IL17RA: variants seen among roughly 807,000 people sequenced by gnomAD.
The protein encoded by IL17RA is interleukin 17 receptor A.
A neutral mutation model predicts 50.4 loss-of-function variants in IL17RA; 34 were observed. The observed-to-expected ratio is 0.67, with a 90% CI of 0.51 to 0.90. IL17RA has a LOEUF of 0.90. IL17RA is among the 40% of genes least tolerant of loss of function. IL17RA has a pLI of 0.00. For missense variants in IL17RA, 1,276 were observed against 1,169.8 expected (o/e 1.09, Z -1.32); for synonymous variants, 585 against 510.4 (o/e 1.15, Z -1.97).
chr22:17,108,833 C>T lies in IL17RA; in HGVS notation c.1614C>T (p.Asp538=). ...RFEEVYFRIQ[D]LEMFQPGRMH... is the part of the protein sequence containing the mutation. ...AGGAGGTGTACTTCCGCATCCAGGACCTGGAGATGTTCCAGCCGGGCCGCA... is the reference window on the plus strand; with the variant it reads ...AGGAGGTGTACTTCCGCATCCAGGATCTGGAGATGTTCCAGCCGGGCCGCA... Residue 538 remains aspartate, a synonymous_variant, in exon 13 of 13, where the codon GAC becomes GAT. Coordinates refer to ENST00000319363, the MANE Select transcript of IL17RA (RefSeq NM_014339.7). The T allele has an allele frequency of 1.2e-6, 2 of 1,607,900 alleles. No individual in the cohort carries two copies. The highest frequency in any genetic ancestry group is 2.2e-5 in the East Asian group (1 of 44,618).
At chr22:17,092,218 G>T (rs990982453) in intron 1 of IL17RA, among the ~76,000 whole-genome samples, 1 of 152,178 alleles carries the variant, frequency 6.6e-6, no homozygotes, top group African/African-American at 2.4e-5. Flanking sequence ...GTTCCTGGAG[G>T]GTGGCACACC....
In IL17RA at chr22:17,108,724, G is replaced by A. The variant is rs371872088; in HGVS notation, c.1505G>A (p.Cys502Tyr). 1.2e-6 allele frequency: 2 copies of A among 1,611,206 alleles called. No individual in the cohort carries two copies. The highest frequency in any genetic ancestry group is 1.3e-5 in the African/African-American group (1 of 74,930). ...GCCTGCTTCGGCACCTACGTAGTCT[G>A]CTACTTCAGCGAGGTCAGCTGTGAC... ...RPACFGTYVV[C>Y]YFSEVSCDGD... The change falls in exon 13 of 13, where the codon TGC becomes TAC. Residue 502 changes from cysteine (C) to tyrosine (Y), a missense_variant. Transcript: ENST00000319363.
In IL17RA at chr22:17,085,257, C is replaced by T. The variant is rs1463581889; in HGVS notation, c.138+28C>T. The T allele has an allele frequency of 3.9e-6, 6 of 1,536,534 alleles. No individual in the cohort carries two copies. The African/African-American group carries it at 5.5e-5, about 14-fold the overall frequency. ...GAGACTCGACGTGGGGAGCGGTAGCCGCCAGGATGCTGCGGACGCGGGGCA... is the reference window on the plus strand; with the variant it reads ...GAGACTCGACGTGGGGAGCGGTAGCTGCCAGGATGCTGCGGACGCGGGGCA... On this transcript the variant is annotated intron_variant, in intron 1 of 12. Transcript: ENST00000319363.
intron 2 of IL17RA, chr22:17,097,432 A>C (rs1204825804): frequency 2.0e-6 from 1 of 510,472 alleles, no homozygotes; most frequent in African/African-American, 1.9e-5. Flanking sequence ...GTTTTAATTC[A>C]AAGAGGCACA....
chr22:17,099,849 CTGCTGGCCCA>C, intron 4 of IL17RA, among the ~76,000 whole-genome samples: 1 of 152,340 alleles, frequency 6.6e-6, no homozygotes, highest in South Asian at 2.1e-4. Flanking sequence ...ACTGAGGTGC[CTGCTGGCCCA>C]GGGTGAGTGG....
rs1239634434 is a variant in IL17RA at position 17,113,117 on chromosome 22, A to G, written c.*3297A>G. The stretch of plus-strand genomic sequence containing the variant: ...AAGGGTGGTGTTCGGTCTCTGAAAC[A>G]TCCATTCAGCAGTTTGAGCTGGGAT... On this transcript the variant is annotated 3_prime_UTR_variant, in exon 13 of 13. Coordinates refer to ENST00000319363, the MANE Select transcript of IL17RA (RefSeq NM_014339.7). 1 of 152,002 alleles carries G rather than the reference A, an allele frequency of 6.6e-6. No individual in the cohort carries two copies. The highest frequency in any genetic ancestry group is 1.5e-5 in the Non-Finnish European group (1 of 68,036). The allele number at this position is 152,002 out of a possible 1,614,324, so 9.4% of individuals were successfully genotyped here. A position where few individuals can be genotyped will look rare whatever the true frequency, so the allele number is the denominator to read the frequency against.
intron 1 of IL17RA, among the ~76,000 whole-genome samples, chr22:17,088,015 G>A (rs2061334336): frequency 6.6e-6 from 1 of 152,146 alleles, no homozygotes; most frequent in African/African-American, 2.4e-5. Flanking sequence ...TGTTCTTTGT[G>A]CCAGGCACTG....
At chr22:17,086,274 A>G (rs1181938210) in intron 1 of IL17RA, among the ~76,000 whole-genome samples, 2 of 152,050 alleles carry the variant, frequency 1.3e-5, no homozygotes, top group Non-Finnish European at 2.9e-5. Flanking sequence ...AATGCTCAGT[A>G]TCTGAGTCAG....
rs1400478680 is a variant in IL17RA at position 17,110,371 on chromosome 22, G to A, written c.*551G>A. On this transcript the variant is annotated 3_prime_UTR_variant, in exon 13 of 13. Transcript: ENST00000319363. ...AAATTAGCCGGGCATGGTGACACAT[G>A]CCTGTAGTCCTAGCTACTTGGGAGG... 2.3e-5 allele frequency: 4 copies of A among 177,522 alleles called. No homozygotes were observed. Among genetic ancestry groups the A allele is most frequent in the Non-Finnish European group, 3.6e-5 (3 of 82,250 alleles). 11.0% of individuals were successfully genotyped at this position (177,522 alleles called of 1,614,324 possible). A position where few individuals can be genotyped will look rare whatever the true frequency, so the allele number is the denominator to read the frequency against.
intron 1 of IL17RA, among the ~76,000 whole-genome samples, chr22:17,094,265 G>A (rs560787000): frequency 6.6e-6 from 1 of 151,992 alleles, no homozygotes; most frequent in African/African-American, 2.4e-5. Context: ...GGGATTACAC[G>A]CATGAGCCAC....
At chr22:17,096,773 G>C (rs975071186) in intron 1 of IL17RA, among the ~76,000 whole-genome samples, 7 of 151,756 alleles carry the variant, frequency 4.6e-5, no homozygotes, top group African/African-American at 1.7e-4. Flanking sequence ...GGGAGGCCGA[G>C]GCAGGAGAAT....
At chr22:17,094,716 T>TATATATATATATATATATATATTC (rs1178787318) in intron 1 of IL17RA, among the ~76,000 whole-genome samples, 1 of 118,536 alleles carries the variant, frequency 8.4e-6, no homozygotes, top group African/African-American at 3.4e-5. Context: ...TATATATATA[T>TATATATATATATATATATATATTC]ATTCAGGGAG....
intron 8 of IL17RA, among the ~76,000 whole-genome samples, chr22:17,104,497 C>T (rs2061405671): frequency 6.6e-6 from 1 of 152,078 alleles, no homozygotes; most frequent in African/African-American, 2.4e-5. Flanking sequence ...CACTACCAGT[C>T]AGGATTCCTT....
Position 17,115,135 on chromosome 22 carries a change from G to A in IL17RA, c.*5315G>A, listed in dbSNP as rs1306588076. The A allele has an allele frequency of 6.6e-6, 1 of 152,246 alleles. No homozygotes were observed. The highest frequency in any genetic ancestry group is 2.1e-4 in the South Asian group (1 of 4,836). 9.4% of individuals were successfully genotyped at this position (152,246 alleles called of 1,614,324 possible). ...ATATGCCTGGCAAACCAAAATCGGT[G>A]AGCGCCAGCTTGCTTCCCTAGAAGA... On this transcript the variant is annotated 3_prime_UTR_variant, in exon 13 of 13. Coordinates refer to ENST00000319363, the MANE Select transcript of IL17RA (RefSeq NM_014339.7).
In IL17RA at chr22:17,109,417, C is replaced by G. The variant is rs41358047; in HGVS notation, c.2198C>G (p.Pro733Arg). The G allele has an allele frequency of 6.0e-5, 97 of 1,613,190 alleles. No homozygotes were observed. The African/African-American group carries it at 1.1e-3, about 18-fold the overall frequency. ...GACTCGCCCCTTGGCAGCAGCACCCCCATGGCGTCTCCTGACCTCCTTCCA... is the reference window on the plus strand; with the variant it reads ...GACTCGCCCCTTGGCAGCAGCACCCGCATGGCGTCTCCTGACCTCCTTCCA... ...PEDSPLGSST[P>R]MASPDLLPED... Residue 733 changes from proline (P) to arginine (R), a missense_variant, in exon 13 of 13, where the codon CCC (proline) becomes CGC (arginine). Transcript: ENST00000319363.
intron 1 of IL17RA, among the ~76,000 whole-genome samples, chr22:17,086,223 C>T (rs1216583775): frequency 1.3e-5 from 2 of 151,442 alleles, no homozygotes; most frequent in African/African-American, 4.8e-5. Context: ...CTTTCCTCCC[C>T]TCCACCTCCA....
intron 1 of IL17RA, among the ~76,000 whole-genome samples, chr22:17,094,675 C>CTA (rs1568917420): frequency 2.0e-5 from 1 of 49,336 alleles, no homozygotes; most frequent in Admixed American, 1.8e-4. Context: ...CTCTCTCTCT[C>CTA]TCTCTCTCTC....
rs1192925550 is a variant in IL17RA, at chr22:17,107,838, TG to T, written c.1087+73del. 1.5e-4 allele frequency: 209 copies of T among 1,399,854 alleles called. 2 individuals carry two copies. In the South Asian group the frequency reaches 2.0e-3, roughly 14 times the overall value. 86.7% of individuals were successfully genotyped at this position (1,399,854 alleles called of 1,614,324 possible). On this transcript the variant is annotated intron_variant, in intron 12 of 12. Coordinates refer to ENST00000319363, the MANE Select transcript of IL17RA (RefSeq NM_014339.7). ...GGAGGGTTCTCCTGGGATAAGTGCG[TG>T]GGTCGCCTCCTGTGCTCTAACTCCC...
chr22:17,107,290 A>G (rs895524137), intron 11 of IL17RA, among the ~76,000 whole-genome samples: 2 of 152,118 alleles, frequency 1.3e-5, no homozygotes, highest in African/African-American at 2.4e-5. Context: ...GGGGTGGCCA[A>G]ATTTCAGGGA....
Sources: allele counts gnomAD v4.1 joint callset (sites outside exome capture counted in the v4.1 genomes callset), GRCh38; gene constraint gnomAD v4.1.1; transcripts MANE v1.5; gene names NCBI Gene and HGNC (gene_info 2026-07-23, HGNC 2026-07-21).